SIMC1: variants seen among roughly 807,000 people sequenced by gnomAD.
SIMC1 encodes SUMO-interacting motif-containing protein 1.
In SIMC1, 55 loss-of-function variants were observed where a neutral mutation model predicts 82.3. The observed-to-expected ratio is 0.67, with a 90% CI of 0.54 to 0.84. SIMC1 has a LOEUF of 0.84. SIMC1 is among the 40% of genes least tolerant of loss of function. The probability of loss-of-function intolerance (pLI) is 0.00; values close to 1 mark genes in which losing one functional copy is unlikely to be tolerated. For synonymous variants in SIMC1, 353 were observed against 426.3 expected (o/e 0.83, Z 2.12); for missense variants, 915 against 1,107.2 (o/e 0.83, Z 2.46).
intron 1 of SIMC1, among the ~76,000 whole-genome samples, chr5:176,289,025 T>C (rs1763427617): frequency 6.6e-6 from 1 of 152,200 alleles, no homozygotes; most frequent in Non-Finnish European, 1.5e-5. Flanking sequence ...ATCTTTCATA[T>C]CTGTTTCTAG....
intron 1 of SIMC1, among the ~76,000 whole-genome samples, chr5:176,269,938 G>A (rs1762354860): frequency 6.7e-6 from 1 of 148,470 alleles, no homozygotes; most frequent in Admixed American, 6.7e-5. Context: ...TTTTTTTTTT[G>A]TAGAGACAAG....
chr5:176,300,018 C>A (rs1431084682), intron 4 of SIMC1, among the ~76,000 whole-genome samples: 1 of 152,032 alleles, frequency 6.6e-6, no homozygotes, highest in African/African-American at 2.4e-5. Flanking sequence ...CAACACACAA[C>A]AATGGTTCAG....
chr5:176,318,729 T>A (rs918511594), intron 5 of SIMC1, among the ~76,000 whole-genome samples: 3 of 152,260 alleles, frequency 2.0e-5, no homozygotes, highest in African/African-American at 7.2e-5. Context: ...AGACTGAGGA[T>A]AGATGATTTG....
chr5:176,313,413 A>C lies in SIMC1; in HGVS notation c.1735-278A>C, dbSNP rs192073649. On this transcript the variant is annotated intron_variant, in intron 4 of 9. Transcript: ENST00000429602. ...TGCAGCTTAGGTGTTAGAAAATTAT[A>C]ATTATCTGCAGATGCCTAGATCCTT... 5 of 1,546,136 alleles carry C rather than the reference A, an allele frequency of 3.2e-6. No homozygotes were observed. In the Middle Eastern group the frequency reaches 5.1e-4, roughly 157 times the overall value.
intron 7 of SIMC1, among the ~76,000 whole-genome samples, chr5:176,332,886 T>C (rs1259832006): frequency 6.6e-6 from 1 of 152,214 alleles, no homozygotes; most frequent in African/African-American, 2.4e-5. Context: ...TTCCATCACT[T>C]CAAGGATTGC....
chr5:176,317,334 A>G (rs1764959512), intron 5 of SIMC1, among the ~76,000 whole-genome samples: 1 of 152,226 alleles, frequency 6.6e-6, no homozygotes, highest in African/African-American at 2.4e-5. Flanking sequence ...CTATGCATAC[A>G]AAGAGTAGAC....
At chr5:176,292,737 C>T (rs1763639597) in intron 2 of SIMC1, among the ~76,000 whole-genome samples, 1 of 152,122 alleles carries the variant, frequency 6.6e-6, no homozygotes. Flanking sequence ...GACAGGGTTT[C>T]ACCATGTTGT....
rs866855143 is a variant in SIMC1, at chr5:176,244,337, T to C, written c.129+5700T>C. Among the ~76,000 whole-genome samples, 16 of 124,990 alleles carry C rather than the reference T, an allele frequency of 1.3e-4. 1 individual carries two copies. The highest frequency in any genetic ancestry group is 4.7e-4 in the African/African-American group (15 of 31,746). The allele number at this position is 124,990 out of a possible 152,430, so 82.0% of individuals were successfully genotyped here. On this transcript the variant is annotated intron_variant, in intron 1 of 9. Transcript: ENST00000429602. ...GTTTTGAAGGTATAAAACTTAACGATGCCTGTGGAATAGCCAACTGGAGAT... is the reference window on the plus strand; with the variant it reads ...GTTTTGAAGGTATAAAACTTAACGACGCCTGTGGAATAGCCAACTGGAGAT...
intron 7 of SIMC1, among the ~76,000 whole-genome samples, chr5:176,329,641 A>G (rs1240322051): frequency 6.6e-6 from 1 of 152,214 alleles, no homozygotes; most frequent in Non-Finnish European, 1.5e-5. Context: ...AACTTAAAAC[A>G]CAATATTTGG....
At chr5:176,270,200 A>T (rs959311663) in intron 1 of SIMC1, 1 of 152,008 alleles carries the variant, frequency 6.6e-6, no homozygotes, top group Non-Finnish European at 1.5e-5. Context: ...ATAAATTCTG[A>T]TATTAGTAGA....
intron 1 of SIMC1, among the ~76,000 whole-genome samples, chr5:176,286,874 A>G (rs545817057): frequency 6.6e-6 from 1 of 152,382 alleles, no homozygotes; most frequent in South Asian, 2.1e-4. Context: ...AGACACATGA[A>G]AAAATGCTCA....
At chr5:176,311,492 C>T (rs1400037498) in intron 4 of SIMC1, among the ~76,000 whole-genome samples, 1 of 151,880 alleles carries the variant, frequency 6.6e-6, no homozygotes. Flanking sequence ...ATCCTCCCAC[C>T]TCAGCCTCCC....
chr5:176,324,626 C>G lies in SIMC1; in HGVS notation c.2043-3C>G, dbSNP rs774123626. 2 of 1,610,776 alleles carry G rather than the reference C, an allele frequency of 1.2e-6. No individual in the cohort carries two copies. The highest frequency in any genetic ancestry group is 1.7e-6 in the Non-Finnish European group (2 of 1,178,600). ...TCATCTGTGTCCTATGTTCTGGACT[C>G]AGGATTGTGTGCCAGCTTCAGAGGA... On this transcript the variant is annotated splice_region_variant and splice_polypyrimidine_tract_variant and intron_variant, in intron 6 of 9. Coordinates refer to ENST00000429602, the MANE Select transcript of SIMC1 (RefSeq NM_001308195.2).
chr5:176,287,680 TAAAAA>T (rs1239181320), intron 1 of SIMC1, among the ~76,000 whole-genome samples: 1 of 140,998 alleles, frequency 7.1e-6, no homozygotes, highest in Non-Finnish European at 1.6e-5. Context: ...AGCAAACACT[TAAAAA>T]AATAAAATAA....
intron 1 of SIMC1, among the ~76,000 whole-genome samples, chr5:176,242,714 A>G (rs1761313887): frequency 6.6e-6 from 1 of 152,100 alleles, no homozygotes; most frequent in Non-Finnish European, 1.5e-5. Context: ...GGCCAATCAT[A>G]TCTCTTTCTC....
chr5:176,270,232 A>C (rs1762367459), intron 1 of SIMC1: 1 of 152,084 alleles, frequency 6.6e-6, no homozygotes, highest in African/African-American at 2.4e-5. Context: ...TCATCATCTT[A>C]ACAGATGCTG....
chr5:176,337,470 T>G (rs969658763), intron 9 of SIMC1, among the ~76,000 whole-genome samples: 1 of 152,194 alleles, frequency 6.6e-6, no homozygotes, highest in African/African-American at 2.4e-5. Flanking sequence ...GGTGTATGCC[T>G]GTACTCCCAG....
chr5:176,290,263 T>G lies in SIMC1; in HGVS notation c.739T>G (p.Leu247Val). The change falls in exon 2 of 10, where the codon TTG becomes GTG. Residue 247 changes from leucine (L) to valine (V), a missense_variant. This residue lies in a region of SIMC1 where 902 missense variants were observed against 1,040.3 expected (regional missense o/e 0.87). Transcript: ENST00000429602. The stretch of plus-strand genomic sequence containing the variant: ...AGCCTCCTCATGCCCACCACGAGCC[T>G]TGTCATGCCCATCACAAACCATGCA... ...PRASSCPPRALSCPSQTMQCQ... is the reference protein window; with the variant it reads ...PRASSCPPRAVSCPSQTMQCQ... 1 of 1,607,716 alleles carries G rather than the reference T, an allele frequency of 6.2e-7. No individual in the cohort carries two copies. The highest frequency in any genetic ancestry group is 8.5e-7 in the Non-Finnish European group (1 of 1,178,708).
chr5:176,268,090 C>T (rs1157295971), intron 1 of SIMC1, among the ~76,000 whole-genome samples: 1 of 140,136 alleles, frequency 7.1e-6, no homozygotes, highest in Non-Finnish European at 1.5e-5. Flanking sequence ...TTCTAAAGTA[C>T]ACTGGAATAA....
Sources: allele counts gnomAD v4.1 joint callset (sites outside exome capture counted in the v4.1 genomes callset), GRCh38; gene constraint gnomAD v4.1.1; regional missense constraint gnomAD v4.1.1; transcripts MANE v1.5; gene names NCBI Gene and HGNC (gene_info 2026-07-23, HGNC 2026-07-21).